EML6: variants seen among roughly 807,000 people sequenced by gnomAD.
EML6 encodes echinoderm microtubule-associated protein-like 6.
A neutral mutation model predicts 240.1 loss-of-function variants in EML6; 154 were observed. The ratio of observed to expected loss-of-function variants is 0.64; its 90% CI spans 0.56 to 0.73. The LOEUF (loss-of-function observed/expected upper bound fraction) is 0.73, where lower values mean the gene tolerates loss of function less well. Ranked by LOEUF, EML6 falls within the 30% of genes least tolerant of loss-of-function variation. The pLI is 0.00. For synonymous variants in EML6, 1,148 were observed against 899.0 expected, an observed-to-expected ratio of 1.28 and a Z score of -4.95; for missense variants, 2,964 against 2,474.6, an observed-to-expected ratio of 1.20 and a Z score of -4.20.
At chr2:54,864,706 A>G (rs1285938951) in intron 13 of EML6, among the ~76,000 whole-genome samples, 1 of 152,276 alleles carries the variant, frequency 6.6e-6, no homozygotes, top group Non-Finnish European at 1.5e-5. Flanking sequence ...TGTTGAAAGA[A>G]GTAAAGTAAC....
chr2:54,799,551 G>A (rs1349188899), intron 2 of EML6, among the ~76,000 whole-genome samples: 4 of 152,052 alleles, frequency 2.6e-5, no homozygotes, highest in Non-Finnish European at 5.9e-5. Flanking sequence ...CACCATGTTG[G>A]CCAGGATGGT....
At chr2:54,925,170 A>C (rs1289363731) in intron 26 of EML6, among the ~76,000 whole-genome samples, 1 of 151,976 alleles carries the variant, frequency 6.6e-6, no homozygotes, top group African/African-American at 2.4e-5. Context: ...GATGCCAGAG[A>C]GCTAGCTTTC....
chr2:54,764,355 G>T (rs1455123300), intron 2 of EML6, among the ~76,000 whole-genome samples: 1 of 152,202 alleles, frequency 6.6e-6, no homozygotes, highest in Non-Finnish European at 1.5e-5. Context: ...GAATTAGCGA[G>T]ATTAGACCAA....
Position 54,960,309 on chromosome 2 carries a change from G to A in EML6, c.4943G>A (p.Cys1648Tyr), listed in dbSNP as rs1203324752. 6.4e-7 allele frequency: 1 copy of A among 1,551,018 alleles called. No individual in the cohort carries two copies. The highest frequency in any genetic ancestry group is 8.7e-7 in the Non-Finnish European group (1 of 1,146,882). The change falls in exon 35 of 42, where the codon TGT (cysteine) becomes TAT (tyrosine). Residue 1648 changes from cysteine to tyrosine, a missense_variant. Cys to Tyr is a radical substitution (Grantham distance 194). Coordinates refer to ENST00000356458, the MANE Select transcript of EML6 (RefSeq NM_001039753.4). Reference protein sequence around the residue: ...FQLETGQLVECVRSVCRGKGK... With the variant: ...FQLETGQLVEYVRSVCRGKGK... ...CTGGAGACCGGGCAGCTGGTGGAGT[G>A]TGTGCGCTCCGTGTGCCGTGGAAAA...
chr2:54,808,329 A>T (rs1288164454), intron 2 of EML6, among the ~76,000 whole-genome samples: 1 of 152,218 alleles, frequency 6.6e-6, no homozygotes, highest in Non-Finnish European at 1.5e-5. Flanking sequence ...TCTGCCTTGC[A>T]GATGAACATC....
At chr2:54,952,749 A>G in intron 31 of EML6, 57 bp downstream of exon 31, 4 of 1,200,820 alleles carry the variant, frequency 3.3e-6, no homozygotes, top group Non-Finnish European at 4.8e-6. Context: ...CTGACCTGTC[A>G]GCAATTATTG....
chr2:54,844,156 C>G lies in EML6; in HGVS notation c.957C>G (p.Ile319Met), dbSNP rs1269381239. ...IVRERDKPML[I>M]LQGHCEGELW... is the part of the protein sequence containing the mutation. The stretch of plus-strand genomic sequence containing the variant: ...GAGAGCGAGACAAGCCGATGTTGAT[C>G]CTACAGGGCCACTGCGAGGGTGAGC... The change falls in exon 8 of 42, where the codon ATC (isoleucine) becomes ATG (methionine). Residue 319 changes from isoleucine to methionine, a missense_variant. Coordinates refer to ENST00000356458, the MANE Select transcript of EML6 (RefSeq NM_001039753.4). The G allele has an allele frequency of 6.4e-7, 1 of 1,551,704 alleles. No homozygotes were observed. The highest frequency in any genetic ancestry group is 8.7e-7 in the Non-Finnish European group (1 of 1,146,988).
intron 16 of EML6, among the ~76,000 whole-genome samples, chr2:54,872,301 T>C (rs1671296339): frequency 6.6e-6 from 1 of 152,170 alleles, no homozygotes; most frequent in African/African-American, 2.4e-5. Flanking sequence ...ATTAGATCAA[T>C]AGAAAAAGAA....
chr2:54,807,617 C>T (rs1670567301), intron 2 of EML6, among the ~76,000 whole-genome samples: 1 of 152,124 alleles, frequency 6.6e-6, no homozygotes, highest in Non-Finnish European at 1.5e-5. Flanking sequence ...AGTAACACAC[C>T]ATCTATGGTA....
chr2:54,751,990 C>CTTTTTTTTTATT (rs1204868383), intron 2 of EML6, among the ~76,000 whole-genome samples: 9 of 152,146 alleles, frequency 5.9e-5, no homozygotes, highest in Non-Finnish European at 1.3e-4. Context: ...CTTCAGCAGC[C>CTTTTTTTTTATT]TCTATTTGTA....
At chr2:54,877,324 A>G (rs942284488) in intron 16 of EML6, among the ~76,000 whole-genome samples, 3 of 152,116 alleles carry the variant, frequency 2.0e-5, no homozygotes, top group Non-Finnish European at 4.4e-5. Context: ...TTCTATTTCA[A>G]TTTATACCAT....
chr2:54,842,328 G>A (rs1342208409), intron 7 of EML6, among the ~76,000 whole-genome samples: 4 of 152,128 alleles, frequency 2.6e-5, no homozygotes, highest in African/African-American at 7.2e-5. Context: ...GAACTATTTA[G>A]TAGGTCTTTC....
intron 12 of EML6, among the ~76,000 whole-genome samples, chr2:54,861,320 G>C (rs536978141): frequency 1.3e-5 from 2 of 152,294 alleles, no homozygotes; most frequent in South Asian, 4.1e-4. Flanking sequence ...AATTGATGGG[G>C]CTTCGCATTC....
intron 2 of EML6, among the ~76,000 whole-genome samples, chr2:54,800,967 T>A (rs1268384922): frequency 6.6e-6 from 1 of 152,108 alleles, no homozygotes; most frequent in East Asian, 1.9e-4. Flanking sequence ...AAGTTACCCT[T>A]CATGTTATCT....
intron 11 of EML6, among the ~76,000 whole-genome samples, chr2:54,856,662 A>G (rs186106497): frequency 1.9e-4 from 29 of 152,326 alleles, no homozygotes; most frequent in African/African-American, 5.3e-4. Flanking sequence ...AACTTAGTGC[A>G]TGAGGGGAAG....
At chr2:54,864,106 T>C (rs1238529302) in intron 13 of EML6, among the ~76,000 whole-genome samples, 1 of 152,204 alleles carries the variant, frequency 6.6e-6, no homozygotes, top group African/African-American at 2.4e-5. Flanking sequence ...AATTGCAAAG[T>C]TTGAAAACTG....
intron 32 of EML6, among the ~76,000 whole-genome samples, chr2:54,956,000 G>C (rs755507247): frequency 1.4e-4 from 20 of 148,108 alleles, no homozygotes; most frequent in Non-Finnish European, 1.2e-4. Context: ...TCATTTATTA[G>C]AGGATTGTTT....
intron 5 of EML6, among the ~76,000 whole-genome samples, chr2:54,821,854 A>C (rs1361382348): frequency 2.0e-5 from 3 of 152,086 alleles, no homozygotes; most frequent in African/African-American, 7.2e-5. Flanking sequence ...AAACTATAAA[A>C]TAACTAGAGG....
At chr2:54,875,821 C>T (rs1671477107) in intron 16 of EML6, among the ~76,000 whole-genome samples, 1 of 152,074 alleles carries the variant, frequency 6.6e-6, no homozygotes, top group Non-Finnish European at 1.5e-5. Context: ...AATAGAAAAC[C>T]AGATTAGAAA....
Sources: allele counts gnomAD v4.1 joint callset (sites outside exome capture counted in the v4.1 genomes callset), GRCh38; gene constraint gnomAD v4.1.1; transcripts MANE v1.5; gene names NCBI Gene and HGNC (gene_info 2026-07-23, HGNC 2026-07-21).